RFX8: variants seen among roughly 807,000 people sequenced by gnomAD.
RFX8 encodes DNA-binding protein RFX8.
Under a neutral mutation model 54.6 loss-of-function variants are expected in RFX8, and 46 were observed. The ratio of observed to expected loss-of-function variants is 0.84; its 90% CI spans 0.67 to 1.08. The LOEUF is 1.08. RFX8 is among the 50% of genes least tolerant of loss of function. The probability of loss-of-function intolerance (pLI) is 0.00; values close to 1 mark genes in which losing one functional copy is unlikely to be tolerated. For synonymous variants in RFX8, 192 were observed against 209.5 expected (o/e 0.92, Z 0.72); for missense variants, 536 against 562.3 (o/e 0.95, Z 0.47).
intron 9 of RFX8, among the ~76,000 whole-genome samples, chr2:101,409,849 GC>G (rs1685994241): frequency 2.0e-5 from 3 of 152,088 alleles, no homozygotes; most frequent in Admixed American, 2.0e-4. Context: ...CCTGCCCTGA[GC>G]CCATGGAGTG....
chr2:101,408,285 A>G (rs1251527170), intron 9 of RFX8, among the ~76,000 whole-genome samples: 1 of 152,132 alleles, frequency 6.6e-6, no homozygotes, highest in Non-Finnish European at 1.5e-5. Flanking sequence ...GGAGATGGAG[A>G]CCATCCTGGC....
chr2:101,464,504 G>A (rs988479776), intron 2 of RFX8, among the ~76,000 whole-genome samples: 3 of 152,162 alleles, frequency 2.0e-5, no homozygotes, highest in Admixed American at 6.6e-5. Flanking sequence ...TGAGAATTGC[G>A]GATTTTGTTG....
At chr2:101,401,523 G>A (rs769392201) in intron 11 of RFX8, among the ~76,000 whole-genome samples, 3 of 152,170 alleles carry the variant, frequency 2.0e-5, no homozygotes, top group Non-Finnish European at 2.9e-5. Flanking sequence ...TCATCTGTGC[G>A]AGAGGGGGAA....
At chr2:101,400,855 C>T (rs1044449535) in intron 11 of RFX8, among the ~76,000 whole-genome samples, 5 of 152,194 alleles carry the variant, frequency 3.3e-5, no homozygotes, top group African/African-American at 1.2e-4. Context: ...CCTTGGAGGG[C>T]TCTGCCGCCA....
At chr2:101,443,623 G>A (rs1249396892) in intron 2 of RFX8, among the ~76,000 whole-genome samples, 1 of 152,182 alleles carries the variant, frequency 6.6e-6, no homozygotes, top group African/African-American at 2.4e-5. Context: ...GGTAGACTGG[G>A]TAGAGACGAC....
At chr2:101,453,563 G>A (rs1232264598) in intron 2 of RFX8, among the ~76,000 whole-genome samples, 1 of 152,076 alleles carries the variant, frequency 6.6e-6, no homozygotes. Context: ...TAGGTGACAA[G>A]GGTGAAACTC....
intron 2 of RFX8, among the ~76,000 whole-genome samples, chr2:101,440,394 C>A (rs1688029532): frequency 6.6e-6 from 1 of 152,324 alleles, no homozygotes; most frequent in East Asian, 1.9e-4. Context: ...TGCTGAACAC[C>A]TGCTTTCCTT....
intron 2 of RFX8, among the ~76,000 whole-genome samples, chr2:101,448,103 TG>T (rs888590598): frequency 2.6e-5 from 4 of 152,332 alleles, no homozygotes; most frequent in Admixed American, 1.3e-4. Context: ...CTAATCATCT[TG>T]GAAAGGCCCC....
intron 1 of RFX8, among the ~76,000 whole-genome samples, chr2:101,472,154 A>C (rs921072199): frequency 1.2e-4 from 18 of 152,198 alleles, no homozygotes; most frequent in Non-Finnish European, 2.4e-4. Context: ...ACGCTGAAGC[A>C]GAGTGGCGCA....
intron 3 of RFX8, 90 bp downstream of exon 3, chr2:101,422,271 CA>C (rs1265676349): frequency 7.1e-6 from 5 of 705,770 alleles, no homozygotes; most frequent in Non-Finnish European, 1.3e-5. Flanking sequence ...CCATGTGACA[CA>C]ATCATGACCA....
intron 9 of RFX8, among the ~76,000 whole-genome samples, chr2:101,406,764 A>G (rs1018094463): frequency 6.6e-6 from 1 of 152,174 alleles, no homozygotes; most frequent in African/African-American, 2.4e-5. Context: ...TTATTCCTGC[A>G]CTTCTGCATG....
At chr2:101,428,340 T>C (rs1183462799) in intron 2 of RFX8, among the ~76,000 whole-genome samples, 1 of 152,188 alleles carries the variant, frequency 6.6e-6, no homozygotes, top group African/African-American at 2.4e-5. Context: ...GGAGCTCTCA[T>C]GAATGAGATT....
chr2:101,434,161 G>GC (rs1275846451), intron 2 of RFX8, among the ~76,000 whole-genome samples: 5 of 152,162 alleles, frequency 3.3e-5, no homozygotes, highest in Admixed American at 2.0e-4. Context: ...TGGAGACCTC[G>GC]CTCTGACTTC....
rs182644749 is a variant in RFX8, at chr2:101,474,848, A to C, written c.-265T>G. The C allele has an allele frequency of 6.9e-6, 1 of 145,958 alleles. No individual in the cohort carries two copies. The highest frequency in any genetic ancestry group is 2.6e-5 in the African/African-American group (1 of 38,770). 9.0% of individuals were successfully genotyped at this position (145,958 alleles called of 1,614,324 possible). A position where few individuals can be genotyped will look rare whatever the true frequency, so the allele number is the denominator to read the frequency against. On this transcript the variant is annotated 5_prime_UTR_variant, in exon 1 of 12. In the 5' UTR this introduces an upstream ATG that the reference lacks. Transcript: ENST00000428343. Reference sequence around the variant, plus strand: ...CTTTTTCAGGGTCCCGGGTGATGCTAATGTGCCCGCCGTTGCTGAAAACCA... The same window carrying C: ...CTTTTTCAGGGTCCCGGGTGATGCTCATGTGCCCGCCGTTGCTGAAAACCA...
At chr2:101,428,818 A>C (rs964782482) in intron 2 of RFX8, 7 of 625,526 alleles carry the variant, frequency 1.1e-5, no homozygotes, top group Non-Finnish European at 2.0e-5. Flanking sequence ...CTGAACATTC[A>C]TGGTCAGATG....
chr2:101,460,660 T>G (rs1025068464), intron 2 of RFX8, among the ~76,000 whole-genome samples: 2 of 151,658 alleles, frequency 1.3e-5, no homozygotes, highest in Non-Finnish European at 2.9e-5. Context: ...GTCAAGTAAT[T>G]ACTTCTGTTC....
At position 101,418,855 on chromosome 2, in the gene RFX8, T is replaced by C. The variant is rs1426997458; in HGVS notation, c.347A>G (p.Tyr116Cys). Residue 116 changes from tyrosine (Y) to cysteine (C), a missense_variant, in exon 5 of 12, where the codon TAC becomes TGC. Tyr to Cys is a radical substitution (Grantham distance 194, BLOSUM62 -2). Coordinates refer to ENST00000428343, the MANE Select transcript of RFX8 (RefSeq NM_001145664.2). ...QLFKCYDVQL[Y>C]KGIEDVLLHD... ...GAGACTCACGCGTCCTCCTACCTTG[T>C]ACAGCTGGACGTCGTAGCATTTAAA... is the stretch of plus-strand genomic sequence containing the variant. 12 of 1,543,818 alleles carry C rather than the reference T, an allele frequency of 7.8e-6. No individual in the cohort carries two copies. The highest frequency in any genetic ancestry group is 1.4e-5 in the African/African-American group (1 of 73,002).
At chr2:101,429,931 G>T (rs995471342) in intron 2 of RFX8, among the ~76,000 whole-genome samples, 2 of 152,160 alleles carry the variant, frequency 1.3e-5, no homozygotes, top group African/African-American at 4.8e-5. Flanking sequence ...GTCCTCCCCA[G>T]CCTCTTGAAA....
At chr2:101,409,052 A>AT (rs1322936423) in intron 9 of RFX8, among the ~76,000 whole-genome samples, 1 of 152,154 alleles carries the variant, frequency 6.6e-6, no homozygotes, top group Non-Finnish European at 1.5e-5. Context: ...CTGCTCTTGA[A>AT]TGCCCGATCC....
Sources: gnomAD v4.1 joint callset for allele counts (sites outside exome capture counted in the v4.1 genomes callset) on GRCh38, gnomAD v4.1.1 for gene constraint, MANE v1.5 for transcripts, NCBI Gene and HGNC (gene_info 2026-07-23, HGNC 2026-07-21) for gene names.